The following GNPTAB variants were observed in gnomAD, a reference collection of about 807,000 sequenced individuals.
GNPTAB encodes the protein N-acetylglucosamine-1-phosphotransferase subunits alpha/beta.
GNPTAB carries 92 observed loss-of-function variants against 136.6 expected under a neutral mutation model. That is an observed-to-expected ratio of 0.67 (90% confidence interval 0.57 to 0.80). The LOEUF is 0.80. Among genes scored for constraint, GNPTAB ranks in the 30% least tolerant of loss-of-function variants. The pLI, the probability that GNPTAB is intolerant of heterozygous loss-of-function variation, is 0.00. For synonymous variants in GNPTAB, 512 were observed against 535.1 expected (o/e 0.96, Z 0.60); for missense variants, 1,343 against 1,501.8 (o/e 0.89, Z 1.75).
chr12:101,802,543 G>A (rs1869705024), intron 1 of GNPTAB, among the ~76,000 whole-genome samples: 1 of 151,950 alleles, frequency 6.6e-6, no homozygotes, highest in African/African-American at 2.4e-5. Context: ...CACCCCTAAA[G>A]ACTATGGATA....
chr12:101,756,573 CA>C (rs1353646130), intron 18 of GNPTAB: 28 of 273,784 alleles, frequency 1.0e-4, no homozygotes, highest in South Asian at 2.6e-4. Flanking sequence ...GATCCTGTCT[CA>C]AAAAAATATA....
At chr12:101,788,663 C>A in intron 3 of GNPTAB, 74 bp from the exon 4 acceptor site, 1 of 815,190 alleles carries the variant, frequency 1.2e-6, no homozygotes, top group Non-Finnish European at 2.2e-6. Flanking sequence ...AGACGGTTTG[C>A]TTAGAGCATA....
chr12:101,768,441 T>C (rs1261362652), intron 10 of GNPTAB, among the ~76,000 whole-genome samples: 1 of 152,228 alleles, frequency 6.6e-6, no homozygotes, highest in African/African-American at 2.4e-5. Flanking sequence ...TCTCATAACA[T>C]GCTTTGATAA....
At chr12:101,749,348 C>A (rs1302636062) in intron 19 of GNPTAB, among the ~76,000 whole-genome samples, 157 bp from the exon 20 acceptor site, 2 of 152,222 alleles carry the variant, frequency 1.3e-5, no homozygotes, top group Non-Finnish European at 2.9e-5. Flanking sequence ...ACATTTCCAA[C>A]ACGAGTTCAG....
chr12:101,789,517 C>T (rs1035096492), intron 3 of GNPTAB, among the ~76,000 whole-genome samples: 13 of 152,218 alleles, frequency 8.5e-5, no homozygotes, highest in Non-Finnish European at 1.8e-4. Context: ...CAGGGTCTCA[C>T]TCTGTCACCC....
intron 1 of GNPTAB, among the ~76,000 whole-genome samples, chr12:101,812,023 G>A (rs1870265279): frequency 6.6e-6 from 1 of 151,234 alleles, no homozygotes. Flanking sequence ...AGGCCGAGGT[G>A]GGCAGATCAC....
Position 101,757,309 on chromosome 12 carries a change from A to T in GNPTAB, c.3337T>A (p.Phe1113Ile). Residue 1113 changes from phenylalanine (F) to isoleucine (I), a missense_variant and splice_region_variant, in exon 18 of 21, where the codon TTT (phenylalanine) becomes ATT (isoleucine). Transcript: ENST00000299314. ...KAYKDKNKYR[F>I]EIMGEEEIAF... Reference sequence around the variant, plus strand: ...ATTTCTTCTTCTCCCATGATTTCAAACCTAATTATCAAAACATATTTGAAG... The same window carrying T: ...ATTTCTTCTTCTCCCATGATTTCAATCCTAATTATCAAAACATATTTGAAG... The T allele has an allele frequency of 6.5e-7, 1 of 1,542,534 alleles. No homozygotes were observed. The highest frequency in any genetic ancestry group is 9.0e-7 in the Non-Finnish European group (1 of 1,115,874).
chr12:101,772,266 T>C (rs1953187879), intron 7 of GNPTAB, among the ~76,000 whole-genome samples: 1 of 152,242 alleles, frequency 6.6e-6, no homozygotes, highest in African/African-American at 2.4e-5. Context: ...TCTGCTGAAC[T>C]AGTGCTTCTA....
Position 101,764,493 on chromosome 12 carries a change from CA to C in GNPTAB, c.2423del (p.Leu808ArgfsTer19), listed in dbSNP as rs2137116390. ...NGHDQGQNPP[L>X]DLETTARFRV... ...TAAATCTTGCTGTGGTCTCCAAGTC[CA>C]GGGGTGGATTCTGACCCTGGTCATG... On this transcript the variant is annotated frameshift_variant, in exon 13 of 21. Transcript: ENST00000299314. LOFTEE classifies it high-confidence loss of function. 1.2e-6 allele frequency: 2 copies of C among 1,613,762 alleles called. No homozygotes were observed. Among genetic ancestry groups the C allele is most frequent in the Non-Finnish European group, 1.7e-6 (2 of 1,179,990 alleles).
At chr12:101,770,632 C>A in intron 8 of GNPTAB, 47 bp from the exon 9 acceptor site, 2 of 1,302,628 alleles carry the variant, frequency 1.5e-6, no homozygotes, top group South Asian at 2.4e-5. Flanking sequence ...CCCCTTAAGT[C>A]ATACCTCCTC....
chr12:101,753,439 G>T lies in GNPTAB; in HGVS notation c.3535C>A (p.Pro1179Thr). 1 of 1,613,734 alleles carries T rather than the reference G, an allele frequency of 6.2e-7. No individual in the cohort carries two copies. The highest frequency in any genetic ancestry group is 8.5e-7 in the Non-Finnish European group (1 of 1,179,642). Residue 1179 changes from proline to threonine, a missense_variant, in exon 19 of 21, where the codon CCT (proline) becomes ACT (threonine). By Grantham distance (38) the Pro-to-Thr change is conservative. Transcript: ENST00000299314. ...RDFYESMFPI[P>T]SQFELPREYR... ...TCTCTTGGCAGTTCAAATTGGGAAGGTATGGGGAACATGGATTCATAGAAG... is the reference window on the plus strand; with the variant it reads ...TCTCTTGGCAGTTCAAATTGGGAAGTTATGGGGAACATGGATTCATAGAAG...
chr12:101,752,985 G>A (rs1239939135), intron 19 of GNPTAB, among the ~76,000 whole-genome samples: 1 of 152,190 alleles, frequency 6.6e-6, no homozygotes, highest in Non-Finnish European at 1.5e-5. Flanking sequence ...GAGCATGGTG[G>A]CTCACACCTG....
intron 1 of GNPTAB, among the ~76,000 whole-genome samples, chr12:101,809,284 C>T (rs1276030543): frequency 6.6e-6 from 1 of 152,226 alleles, no homozygotes; most frequent in Non-Finnish European, 1.5e-5. Context: ...ACACTGACAA[C>T]ACCAAGCCGG....
chr12:101,770,541 G>C lies in GNPTAB; in HGVS notation c.978C>G (p.Asn326Lys), dbSNP rs747179171. The C allele has an allele frequency of 6.2e-7, 1 of 1,613,456 alleles. No homozygotes were observed. Among genetic ancestry groups the C allele is most frequent in the Middle Eastern group, 1.7e-4 (1 of 6,060 alleles). ...EDISASRFED[N>K]EELRYSLRSI... ...ATCGCAATGAGTACCTCAGTTCTTCGTTATCTTCAAAACGACTGGCAGAGA... is the reference window on the plus strand; with the variant it reads ...ATCGCAATGAGTACCTCAGTTCTTCCTTATCTTCAAAACGACTGGCAGAGA... The change falls in exon 9 of 21, where the codon AAC becomes AAG. Residue 326 changes from asparagine to lysine, a missense_variant. Coordinates refer to ENST00000299314, the MANE Select transcript of GNPTAB (RefSeq NM_024312.5).
intron 1 of GNPTAB, among the ~76,000 whole-genome samples, chr12:101,797,292 G>T (rs1346191394): frequency 6.6e-6 from 1 of 151,970 alleles, no homozygotes; most frequent in East Asian, 1.9e-4. Context: ...TAAAGTTTAG[G>T]AAAGACTCTT....
chr12:101,777,391 C>A (rs535201218), intron 7 of GNPTAB, among the ~76,000 whole-genome samples: 3 of 152,310 alleles, frequency 2.0e-5, no homozygotes, highest in East Asian at 3.9e-4. Context: ...CTGGCCTCAA[C>A]CTGTCTTTAC....
chr12:101,810,132 A>T (rs991724721), intron 1 of GNPTAB, among the ~76,000 whole-genome samples: 1 of 152,024 alleles, frequency 6.6e-6, no homozygotes, highest in Non-Finnish European at 1.5e-5. Context: ...CTGTACACCC[A>T]GCTACTTGGG....
At chr12:101,828,169 CA>C (rs1310853625) in intron 1 of GNPTAB, among the ~76,000 whole-genome samples, 1 of 152,146 alleles carries the variant, frequency 6.6e-6, no homozygotes, top group African/African-American at 2.4e-5. Flanking sequence ...TAGCCATGAC[CA>C]TTTAATGAGG....
At chr12:101,769,014 C>T (rs1417534236) in intron 10 of GNPTAB, among the ~76,000 whole-genome samples, 11 of 152,172 alleles carry the variant, frequency 7.2e-5, no homozygotes, top group Admixed American at 5.9e-4. Flanking sequence ...GAGGAGACAA[C>T]TCAATAGGGG....
Sources: allele counts gnomAD v4.1 joint callset (sites outside exome capture counted in the v4.1 genomes callset), GRCh38; gene constraint gnomAD v4.1.1; transcripts MANE v1.5; gene names NCBI Gene and HGNC (gene_info 2026-07-23, HGNC 2026-07-21).